The following SPEN variants were observed in gnomAD, a reference collection of about 807,000 sequenced individuals.
SPEN encodes the protein msx2-interacting protein.
In SPEN, 18 loss-of-function variants were observed where a neutral mutation model predicts 269.9. The ratio of observed to expected loss-of-function variants is 0.07; its 90% CI spans 0.05 to 0.10. The LOEUF is 0.10. Ranked by LOEUF, SPEN falls within the 10% of genes least tolerant of loss-of-function variation. SPEN has a pLI of 1.00. For synonymous variants in SPEN, 1,726 were observed against 1,765.7 expected (o/e 0.98, Z 0.56); for missense variants, 3,822 against 4,631.2 (o/e 0.83, Z 5.07).
At chr1:15,895,918 A>G (rs186654926) in intron 3 of SPEN, among the ~76,000 whole-genome samples, 1 of 152,072 alleles carries the variant, frequency 6.6e-6, no homozygotes, top group Admixed American at 6.6e-5. Context: ...TCCTGACCTC[A>G]GGTGATCCAC....
chr1:15,919,379 T>C, intron 7 of SPEN, 25 bp from the exon 8 acceptor site: 1 of 1,477,622 alleles, frequency 6.8e-7, no homozygotes, highest in Non-Finnish European at 9.2e-7. Context: ...ACTTTACTAA[T>C]AGAAATTTTG....
chr1:15,918,624 C>T (rs923347609), intron 6 of SPEN, among the ~76,000 whole-genome samples: 3 of 152,166 alleles, frequency 2.0e-5, no homozygotes, highest in African/African-American at 7.2e-5. Context: ...TCTTTATTAT[C>T]GTTAAGTTTC....
At position 15,908,755 on chromosome 1, in the gene SPEN, T is replaced by C. The variant is rs1220035009; in HGVS notation, c.882-566T>C. 3.3e-5 allele frequency among the ~76,000 whole-genome samples: 5 copies of C among 152,226 alleles called. No individual in the cohort carries two copies. In the East Asian group the frequency reaches 5.8e-4, roughly 18 times the overall value. On this transcript the variant is annotated intron_variant, in intron 3 of 14. Coordinates refer to ENST00000375759, the MANE Select transcript of SPEN (RefSeq NM_015001.3). ...TAACCCTGTGATATAGGTACTATTA[T>C]AATTATTTTCATTTTACACACTTGA... is the stretch of plus-strand genomic sequence containing the variant.
chr1:15,918,438 C>T (rs111985148), intron 6 of SPEN, among the ~76,000 whole-genome samples: 5,288 of 152,222 alleles, frequency 0.035, 293 homozygotes, highest in African/African-American at 0.12. Context: ...AGGCTGGTGT[C>T]GAACTCCTGA....
rs774771939 is a variant in SPEN at position 15,928,911 on chromosome 1, AT to A, written c.2673del (p.Ile891MetfsTer9). 1 of 1,614,252 alleles carries A rather than the reference AT, an allele frequency of 6.2e-7. No homozygotes were observed. The highest frequency in any genetic ancestry group is 8.5e-7 in the Non-Finnish European group (1 of 1,180,044). On this transcript the variant is annotated frameshift_variant, in exon 11 of 15. Coordinates refer to ENST00000375759, the MANE Select transcript of SPEN (RefSeq NM_015001.3). LOFTEE classifies it high-confidence loss of function. This position sits in a 1 kb window ranked among gnomAD's most constrained non-coding sequence, Gnocchi z 5.7. ...TRVKEKEGKVIDHTPVEKLKA... is the reference protein window; with the variant it reads ...TRVKEKEGKVXDHTPVEKLKA... ...AGTGAAAGAGAAAGAGGGAAAGGTC[AT>A]TGACCACACTCCTGTGGAAAAGTTG...
chr1:15,912,673 G>T (rs534263949), intron 5 of SPEN, among the ~76,000 whole-genome samples: 1 of 152,150 alleles, frequency 6.6e-6, no homozygotes, highest in Non-Finnish European at 1.5e-5. Flanking sequence ...AGGATAATAG[G>T]TTAAGCCTTC....
intron 6 of SPEN, among the ~76,000 whole-genome samples, chr1:15,917,035 GGA>G (rs932837298): frequency 6.6e-6 from 1 of 152,152 alleles, no homozygotes; most frequent in Non-Finnish European, 1.5e-5. Context: ...GGCTGAGGCT[GGA>G]GAACCACTTG....
intron 4 of SPEN, among the ~76,000 whole-genome samples, chr1:15,910,704 A>G (rs944309119): frequency 6.6e-6 from 1 of 151,562 alleles, no homozygotes; most frequent in Non-Finnish European, 1.5e-5. Context: ...ATTTATGTAT[A>G]TATCTATAAT....
intron 3 of SPEN, among the ~76,000 whole-genome samples, chr1:15,888,067 C>T (rs903890461): frequency 2.6e-5 from 4 of 151,292 alleles, no homozygotes; most frequent in African/African-American, 4.9e-5. Context: ...CAAGTAATTA[C>T]GCAGATTAAA....
rs140303502 is a variant in SPEN at position 15,928,003 on chromosome 1, A to T, written c.1851-88A>T. 410 of 1,231,468 alleles carry T rather than the reference A, an allele frequency of 3.3e-4. 3 individuals are homozygous for T. The East Asian group carries it at 9.5e-3, about 28-fold the overall frequency. 76.3% of individuals were successfully genotyped at this position (1,231,468 alleles called of 1,614,324 possible). On this transcript the variant is annotated intron_variant, in intron 10 of 14. Coordinates refer to ENST00000375759, the MANE Select transcript of SPEN (RefSeq NM_015001.3). The surrounding 1 kb of genome is among the most constrained non-coding windows in gnomAD (Gnocchi z 5.7). ...TAAATAATGTCAAAAGATTTTTTAG[A>T]AGCAGGAATTTCTGATTTCATATGT...
chr1:15,935,750 A>G lies in SPEN; in HGVS notation c.9510A>G (p.Thr3170=), dbSNP rs1333295116. The change falls in exon 11 of 15, where the codon ACA becomes ACG. Residue 3170 remains threonine (T), a synonymous_variant. Coordinates refer to ENST00000375759, the MANE Select transcript of SPEN (RefSeq NM_015001.3). The surrounding 1 kb of genome is among the most constrained non-coding windows in gnomAD (Gnocchi z 7.7). The part of the protein sequence containing the change: ...VHYHLPVARA[T]APVQSEVLVM... ...ATCACCTTCCTGTCGCTCGAGCCAC[A>G]GCCCCTGTGCAGTCAGAGGTACTAG... 1 of 1,613,448 alleles carries G rather than the reference A, an allele frequency of 6.2e-7. No homozygotes were observed. Among genetic ancestry groups the G allele is most frequent in the African/African-American group, 1.3e-5 (1 of 74,892 alleles).
intron 4 of SPEN, 140 bp from the exon 5 acceptor site, chr1:15,910,961 G>A (rs1015022567): frequency 3.4e-5 from 23 of 672,592 alleles, no homozygotes; most frequent in Non-Finnish European, 5.3e-5. Context: ...GCCTCCCTCA[G>A]ACCTTGTTAT....
Position 15,928,847 on chromosome 1 carries a change from A to G in SPEN, c.2607A>G (p.Lys869=). 2 of 1,614,144 alleles carry G rather than the reference A, an allele frequency of 1.2e-6. No individual in the cohort carries two copies. The highest frequency in any genetic ancestry group is 3.3e-5 in the Admixed American group (2 of 60,026). ...REKADKEGIA[K]NRLELMPCVV... ...AAGCTGACAAAGAGGGAATAGCGAA[A>G]AACCGCCTGGAACTCATGCCTTGCG... Residue 869 remains lysine (K), a synonymous_variant, in exon 11 of 15, where the codon AAA becomes AAG. Coordinates refer to ENST00000375759, the MANE Select transcript of SPEN (RefSeq NM_015001.3). This position sits in a 1 kb window ranked among gnomAD's most constrained non-coding sequence, Gnocchi z 5.7.
intron 3 of SPEN, among the ~76,000 whole-genome samples, chr1:15,908,203 G>T (rs2070978569): frequency 6.6e-6 from 1 of 152,064 alleles, no homozygotes; most frequent in African/African-American, 2.4e-5. Flanking sequence ...TAACTGAGCA[G>T]TGCTGCTTCA....
chr1:15,906,803 GTCTC>G (rs1487568971), intron 3 of SPEN, among the ~76,000 whole-genome samples: 3 of 131,618 alleles, frequency 2.3e-5, no homozygotes, highest in Non-Finnish European at 4.7e-5. Flanking sequence ...TTGAGACAGA[GTCTC>G]TCTCTGTTGC....
intron 3 of SPEN, among the ~76,000 whole-genome samples, chr1:15,898,676 C>T (rs2070866553): frequency 6.6e-6 from 1 of 151,548 alleles, no homozygotes; most frequent in Non-Finnish European, 1.5e-5. Context: ...TCTCCTGCCT[C>T]AGCCTCCCGA....
chr1:15,921,637 T>A (rs988992318), intron 9 of SPEN, among the ~76,000 whole-genome samples: 1 of 152,194 alleles, frequency 6.6e-6, no homozygotes, highest in African/African-American at 2.4e-5. Flanking sequence ...TCCAGCATCC[T>A]GAATGATATG....
intron 3 of SPEN, among the ~76,000 whole-genome samples, chr1:15,900,775 G>A (rs1001570164): frequency 7.2e-5 from 11 of 152,084 alleles, no homozygotes; most frequent in African/African-American, 2.7e-4. Context: ...ACAGGCCAGG[G>A]TTTCTCAGTC....
Position 15,848,073 on chromosome 1 carries a change from C to T in SPEN, c.6C>T (p.Val2=), listed in dbSNP as rs1303017712. The change falls in exon 1 of 15, where the codon GTC becomes GTT. Residue 2 remains valine, a synonymous_variant. Coordinates refer to ENST00000375759, the MANE Select transcript of SPEN (RefSeq NM_015001.3). This position sits in a 1 kb window ranked among gnomAD's most constrained non-coding sequence, Gnocchi z 5.1. ...TCGCCGGCACGCCGCCCAGCATGGT[C>T]CGGGAAACCAGGCATCTCTGGGTGG... is the stretch of plus-strand genomic sequence containing the variant. M[V]RETRHLWVGN... 1.4e-6 allele frequency: 2 copies of T among 1,463,106 alleles called. No individual in the cohort carries two copies. Among genetic ancestry groups the T allele is most frequent in the Admixed American group, 2.2e-5 (1 of 45,386 alleles). 90.6% of individuals were successfully genotyped at this position (1,463,106 alleles called of 1,614,324 possible). A position where few individuals can be genotyped will look rare whatever the true frequency, so the allele number is the denominator to read the frequency against.
Sources: gnomAD v4.1 joint callset for allele counts (sites outside exome capture counted in the v4.1 genomes callset) on GRCh38, gnomAD v4.1.1 for gene constraint, Gnocchi (gnomAD v3.1) non-coding constraint, MANE v1.5 for transcripts, NCBI Gene and HGNC (gene_info 2026-07-23, HGNC 2026-07-21) for gene names.